NEURL1: variants seen among roughly 807,000 people sequenced by gnomAD.
The protein encoded by NEURL1 is neuralized E3 ubiquitin protein ligase 1, also known as E3 ubiquitin-protein ligase NEURL1.
A neutral mutation model predicts 41.2 loss-of-function variants in NEURL1; 26 were observed. The observed-to-expected ratio is 0.63, with a 90% confidence interval of 0.46 to 0.87. The LOEUF (loss-of-function observed/expected upper bound fraction) is 0.87, where lower values mean the gene tolerates loss of function less well. NEURL1 is among the 40% of genes least tolerant of loss of function. The pLI is 0.00. For missense variants in NEURL1, 761 were observed against 871.1 expected, an observed-to-expected ratio of 0.87 and a Z score of 1.59; for synonymous variants, 400 against 402.3, an observed-to-expected ratio of 0.99 and a Z score of 0.07.
intron 1 of NEURL1, among the ~76,000 whole-genome samples, chr10:103,511,134 G>A (rs998616224): frequency 6.6e-6 from 1 of 152,202 alleles, no homozygotes; most frequent in African/African-American, 2.4e-5. Context: ...TGCTTTCCAG[G>A]TCTAGGGCAA....
At position 103,558,503 on chromosome 10, in the gene NEURL1, CTGTG is replaced by C. The variant is rs3068767; in HGVS notation, c.86-12327_86-12324del. 0.058 allele frequency among the ~76,000 whole-genome samples: 7,700 copies of C among 131,744 alleles called. 332 individuals carry two copies. Among genetic ancestry groups the C allele is most frequent in the East Asian group, 0.23 (1,025 of 4,386 alleles). 86.4% of individuals were successfully genotyped at this position (131,744 alleles called of 152,430 possible). A position where few individuals can be genotyped will look rare whatever the true frequency, so the allele number is the denominator to read the frequency against. On this transcript the variant is annotated intron_variant, in intron 1 of 5. Transcript: ENST00000369780. This position sits in a 1 kb window ranked among gnomAD's most constrained non-coding sequence, Gnocchi z 4.2. Reference sequence around the variant, plus strand: ...GTGGTACTCTGTGCCTGTGCCATGCCTGTGTGTGTGTGTGTGTGTGTGTGTGTGT... The same window carrying C: ...GTGGTACTCTGTGCCTGTGCCATGCCTGTGTGTGTGTGTGTGTGTGTGTGT...
In NEURL1 at chr10:103,566,398, A is replaced by G. The variant is rs1211937398; in HGVS notation, c.86-4474A>G. Among the ~76,000 whole-genome samples, 1 of 151,968 alleles carries G rather than the reference A, an allele frequency of 6.6e-6. No homozygotes were observed. The highest frequency in any genetic ancestry group is 1.5e-5 in the Non-Finnish European group (1 of 68,004). On this transcript the variant is annotated intron_variant, in intron 1 of 5. Transcript: ENST00000369780. This position sits in a 1 kb window ranked among gnomAD's most constrained non-coding sequence, Gnocchi z 4.2. Reference sequence around the variant, plus strand: ...CCCCTACTCTCCTTCTCTGATACCTACTGATCTCTGTCTCTCTCTAGTTTT... The same window carrying G: ...CCCCTACTCTCCTTCTCTGATACCTGCTGATCTCTGTCTCTCTCTAGTTTT...
rs974694740 is a variant in NEURL1 at position 103,592,478 on chromosome 10, C to G, written c.*2106C>G. On this transcript the variant is annotated 3_prime_UTR_variant, in exon 6 of 6. Transcript: ENST00000369780. This position sits in a 1 kb window ranked among gnomAD's most constrained non-coding sequence, Gnocchi z 4.8. ...CATCATCTCATTACCTCTGTCAGTGCAGGGGTGGCTGCTGCTTCCCTTGTG... is the reference window on the plus strand; with the variant it reads ...CATCATCTCATTACCTCTGTCAGTGGAGGGGTGGCTGCTGCTTCCCTTGTG... 3.3e-5 allele frequency: 5 copies of G among 152,748 alleles called. No homozygotes were observed. Among genetic ancestry groups the G allele is most frequent in the African/African-American group, 7.2e-5 (3 of 41,434 alleles). The allele number at this position is 152,748 out of a possible 1,614,324, so 9.5% of individuals were successfully genotyped here. A position where few individuals can be genotyped will look rare whatever the true frequency, so the allele number is the denominator to read the frequency against.
chr10:103,506,435 G>A (rs2033946518), intron 1 of NEURL1, among the ~76,000 whole-genome samples: 1 of 152,158 alleles, frequency 6.6e-6, no homozygotes, highest in African/African-American at 2.4e-5. Context: ...AGAATTGAGA[G>A]GTGAGTACTG....
chr10:103,553,790 C>A (rs1258422951), intron 1 of NEURL1, among the ~76,000 whole-genome samples: 1 of 152,222 alleles, frequency 6.6e-6, no homozygotes, highest in Non-Finnish European at 1.5e-5. Flanking sequence ...TCCCACCTGC[C>A]CGCTGGCTTT....
At chr10:103,517,562 A>G (rs576657432) in intron 1 of NEURL1, among the ~76,000 whole-genome samples, 13 of 152,252 alleles carry the variant, frequency 8.5e-5, no homozygotes, top group Non-Finnish European at 1.3e-4. Context: ...GCTGGCCCCA[A>G]ATTTCATCTC....
chr10:103,511,579 A>G (rs1469154001), intron 1 of NEURL1, among the ~76,000 whole-genome samples: 1 of 152,222 alleles, frequency 6.6e-6, no homozygotes, highest in African/African-American at 2.4e-5. Flanking sequence ...ATTTGAGGTA[A>G]TGCTTGACTA....
chr10:103,575,043 A>T (rs1347925147), intron 3 of NEURL1, among the ~76,000 whole-genome samples: 1 of 149,878 alleles, frequency 6.7e-6, no homozygotes, highest in Non-Finnish European at 1.5e-5. Flanking sequence ...TCATCCAGAG[A>T]TCTCCTGAGG....
intron 1 of NEURL1, among the ~76,000 whole-genome samples, chr10:103,525,905 G>A (rs571703904): frequency 1.2e-4 from 19 of 152,212 alleles, no homozygotes; most frequent in Middle Eastern, 3.4e-3. Context: ...CCTTTACTGT[G>A]TTGAGATATA....
intron 1 of NEURL1, among the ~76,000 whole-genome samples, chr10:103,529,861 G>A (rs1290327464): frequency 6.6e-6 from 1 of 152,134 alleles, no homozygotes; most frequent in Non-Finnish European, 1.5e-5. Flanking sequence ...ATTCACCATG[G>A]AAGATGTTAC....
intron 1 of NEURL1, among the ~76,000 whole-genome samples, chr10:103,569,331 C>T (rs913377536): frequency 1.3e-5 from 2 of 152,138 alleles, no homozygotes; most frequent in South Asian, 2.1e-4. Flanking sequence ...GCTTTACTGC[C>T]GAGTAGTATT....
At chr10:103,560,925 C>G (rs1325569148) in intron 1 of NEURL1, among the ~76,000 whole-genome samples, 6 of 152,224 alleles carry the variant, frequency 3.9e-5, no homozygotes, top group Admixed American at 3.9e-4. Context: ...AACTTAGCAG[C>G]TTAAAACAAC....
intron 1 of NEURL1, among the ~76,000 whole-genome samples, chr10:103,529,143 A>T (rs2034520576): frequency 1.3e-5 from 2 of 152,220 alleles, no homozygotes; most frequent in Admixed American, 1.3e-4. Context: ...TATTAAAACC[A>T]AATCATGGTT....
chr10:103,518,872 G>C lies in NEURL1; in HGVS notation c.85+24400G>C, dbSNP rs550835203. On this transcript the variant is annotated intron_variant, in intron 1 of 5. Transcript: ENST00000369780. ...ATTGGCTGGGGTTGAGTAGTGTTGGGGAACGGGATGCTTTTACTCCACACA... is the reference window on the plus strand; with the variant it reads ...ATTGGCTGGGGTTGAGTAGTGTTGGCGAACGGGATGCTTTTACTCCACACA... 2.8e-3 allele frequency among the ~76,000 whole-genome samples: 424 copies of C among 152,232 alleles called. 2 individuals carry two copies. Among genetic ancestry groups the C allele is most frequent in the Non-Finnish European group, 4.5e-3 (309 of 68,016 alleles).
intron 1 of NEURL1, chr10:103,555,485 G>A: frequency 7.9e-7 from 1 of 1,264,642 alleles, no homozygotes. Flanking sequence ...GGGCGGAGGG[G>A]CGCTGGGGCT....
chr10:103,561,679 A>G (rs1290842595), intron 1 of NEURL1, among the ~76,000 whole-genome samples: 1 of 152,238 alleles, frequency 6.6e-6, no homozygotes, highest in Non-Finnish European at 1.5e-5. Context: ...TGTTGGGGCC[A>G]TTTTAGAGGC....
At position 103,527,360 on chromosome 10, in the gene NEURL1, T is replaced by A. The variant is rs116216831; in HGVS notation, c.85+32888T>A. Reference sequence around the variant, plus strand: ...CCCAGGCTGGAGTGCCCTGACACAATCTTGGCTCACAGCAACCTCTACCTC... The same window carrying A: ...CCCAGGCTGGAGTGCCCTGACACAAACTTGGCTCACAGCAACCTCTACCTC... On this transcript the variant is annotated intron_variant, in intron 1 of 5. Transcript: ENST00000369780. Among the ~76,000 whole-genome samples the A allele has an allele frequency of 8.2e-3, 1,216 of 148,472 alleles. 9 individuals are homozygous for A. The highest frequency in any genetic ancestry group is 0.029 in the African/African-American group (1,176 of 40,200).
chr10:103,573,701 TG>T (rs1168616735), intron 3 of NEURL1, among the ~76,000 whole-genome samples: 1 of 152,148 alleles, frequency 6.6e-6, no homozygotes, highest in Non-Finnish European at 1.5e-5. Flanking sequence ...AACCACATGG[TG>T]GAAGACAAAG....
In NEURL1 at chr10:103,571,655, T is replaced by G. The variant is rs1481561610; in HGVS notation, c.482T>G (p.Phe161Cys). Residue 161 changes from phenylalanine to cysteine, a missense_variant, in exon 3 of 6, where the codon TTT becomes TGT. Phe to Cys is a radical substitution (Grantham distance 205). Around this residue, in one of 5 missense-constraint regions of NEURL1, gnomAD observed 65 missense variants for 131.6 expected, o/e 0.49. Coordinates refer to ENST00000369780, the MANE Select transcript of NEURL1 (RefSeq NM_004210.5). ...TGGGCCAAGGCGCTGCCTGAGGAGT[T>G]TGCCAATGAGGGCAACATCATCGCA... The part of the protein sequence containing the change: ...GFWAKALPEE[F>C]ANEGNIIAFW... 5.0e-6 allele frequency: 8 copies of G among 1,614,040 alleles called. No homozygotes were observed. The highest frequency in any genetic ancestry group is 6.8e-6 in the Non-Finnish European group (8 of 1,180,014).
Sources: gnomAD v4.1 joint callset for allele counts (sites outside exome capture counted in the v4.1 genomes callset) on GRCh38, gnomAD v4.1.1 for gene constraint, gnomAD v4.1.1 regional missense constraint, Gnocchi (gnomAD v3.1) non-coding constraint, MANE v1.5 for transcripts, NCBI Gene and HGNC (gene_info 2026-07-23, HGNC 2026-07-21) for gene names.